The following STAG2 variants were observed in gnomAD, a reference collection of about 807,000 sequenced individuals.
The protein encoded by STAG2 is STAG2 cohesin complex component.
Under a neutral mutation model 108.1 loss-of-function variants are expected in STAG2, and 14 were observed. The ratio of observed to expected loss-of-function variants is 0.13; its 90% CI spans 0.09 to 0.20. The LOEUF (loss-of-function observed/expected upper bound fraction) is 0.20. Among genes scored for constraint, STAG2 ranks in the 10% least tolerant of loss-of-function variants. The pLI, the probability that STAG2 is intolerant of heterozygous loss-of-function variation, is 1.00. For synonymous variants in STAG2, 307 were observed against 302.7 expected (o/e 1.01, Z -0.15); for missense variants, 440 against 940.9 (o/e 0.47, Z 6.96).
chrX:124,078,222 A>T (rs917946556), intron 27 of STAG2, among the ~76,000 whole-genome samples, 164 bp downstream of exon 27: 3 of 112,253 alleles, frequency 2.7e-5, no homozygotes, highest in African/African-American at 9.7e-5. Context: ...AACTGTCAAG[A>T]TTGGCAAAAC....
In STAG2 at chrX:124,047,340, C is replaced by T; in HGVS notation, c.668-14C>T. 1 of 1,167,250 alleles carries T rather than the reference C, an allele frequency of 8.6e-7. No homozygotes were observed. On this transcript the variant is annotated splice_polypyrimidine_tract_variant and intron_variant, in intron 8 of 34. Coordinates refer to ENST00000371145, the MANE Select transcript of STAG2 (RefSeq NM_001042750.2). The stretch of plus-strand genomic sequence containing the variant: ...TTAGATTAGTTTCACCATACTTTTA[C>T]TCTTTAAAAATAGCTATGAAGTTGA...
At chrX:124,096,278 T>C (rs971326244) in intron 34 of STAG2, among the ~76,000 whole-genome samples, 2 of 111,356 alleles carry the variant, frequency 1.8e-5, no homozygotes, top group African/African-American at 3.3e-5. Flanking sequence ...AACCTTGGCC[T>C]TTTCCTTACA....
chrX:124,079,831 A>AT (rs1229910693), intron 27 of STAG2, among the ~76,000 whole-genome samples: 9 of 111,168 alleles, frequency 8.1e-5, no homozygotes, highest in Non-Finnish European at 1.9e-5. Flanking sequence ...ATGAAATCTG[A>AT]TTTTTTAACA....
chrX:123,964,709 G>T (rs1448783842), intron 1 of STAG2, among the ~76,000 whole-genome samples: 1 of 94,599 alleles, frequency 1.1e-5, no homozygotes, highest in Non-Finnish European at 2.1e-5. Context: ...GGCAGAGAGG[G>T]TGGAGTGGGT....
chrX:123,986,069 T>A, intron 1 of STAG2, among the ~76,000 whole-genome samples: 1 of 105,753 alleles, frequency 9.5e-6, no homozygotes, highest in East Asian at 2.9e-4. Context: ...ATATGTGTCA[T>A]ATATCATATA....
rs1315534374 is a variant in STAG2, at chrX:124,080,388, C to A, written c.2776-992C>A. Among the ~76,000 whole-genome samples, 7 of 111,147 alleles carry A rather than the reference C, an allele frequency of 6.3e-5. 1 individual carries two copies. ...GGGTGTATACCCAGAAGTCTTCCTC[C>A]TTTTAAAAAGTTGACACACGACCGG... On this transcript the variant is annotated intron_variant, in intron 27 of 34. Transcript: ENST00000371145.
At chrX:124,039,302 C>T (rs1023291081) in intron 6 of STAG2, among the ~76,000 whole-genome samples, 3 of 109,289 alleles carry the variant, frequency 2.7e-5, no homozygotes, top group African/African-American at 6.7e-5. Context: ...ACTACAGGCT[C>T]ACGACAACAC....
Position 124,094,032 on chromosome X carries a change from G to A in STAG2, c.3593G>A (p.Ser1198Asn), listed in dbSNP as rs2059320314. 1 of 1,210,623 alleles carries A rather than the reference G, an allele frequency of 8.3e-7. No individual in the cohort carries two copies. Among genetic ancestry groups the A allele is most frequent in the East Asian group, 3.0e-5 (1 of 33,786 alleles). ...TATTTCTCTAGTCGGCGTGGCACAAGCCTAATGGAAGATGATGAAGAGCCA... is the reference window on the plus strand; with the variant it reads ...TATTTCTCTAGTCGGCGTGGCACAAACCTAATGGAAGATGATGAAGAGCCA... ...NLQHAIRRGT[S>N]LMEDDEEPIV... The change falls in exon 33 of 35, where the codon AGC (serine) becomes AAC (asparagine). Residue 1198 changes from serine (S) to asparagine (N), a missense_variant. Ser to Asn is a conservative substitution (Grantham distance 46, BLOSUM62 1). This residue lies in a region of STAG2 where 337 missense variants were observed against 649.3 expected (regional missense o/e 0.52). Coordinates refer to ENST00000371145, the MANE Select transcript of STAG2 (RefSeq NM_001042750.2).
At chrX:124,062,300 C>G (rs951375333) in intron 17 of STAG2, among the ~76,000 whole-genome samples, 2 of 111,879 alleles carry the variant, frequency 1.8e-5, no homozygotes, top group African/African-American at 6.5e-5. Flanking sequence ...GCATTTTATA[C>G]CAACAATTCC....
intron 20 of STAG2, among the ~76,000 whole-genome samples, chrX:124,065,607 C>T (rs774163146): frequency 9.0e-6 from 1 of 110,975 alleles, no homozygotes; most frequent in East Asian, 2.8e-4. Flanking sequence ...AAATAGATGC[C>T]TTTATAATTT....
chrX:123,974,471 C>T (rs2054523525), intron 1 of STAG2, among the ~76,000 whole-genome samples: 1 of 109,249 alleles, frequency 9.2e-6, no homozygotes. Context: ...AGTGATAACA[C>T]CCGTCTTGGC....
chrX:124,043,012 CA>C (rs1177199650), intron 7 of STAG2, among the ~76,000 whole-genome samples: 3 of 94,344 alleles, frequency 3.2e-5, no homozygotes, highest in South Asian at 4.8e-4. Context: ...GAGACTCCAT[CA>C]AAAAAAAAGG....
intron 14 of STAG2, among the ~76,000 whole-genome samples, chrX:124,057,172 T>G (rs2058231358): frequency 8.9e-6 from 1 of 112,373 alleles, no homozygotes; most frequent in South Asian, 3.7e-4. Context: ...CCTATTTAAC[T>G]CAGATTAGGT....
At chrX:124,094,222 G>T (rs1256284036) in intron 33 of STAG2, 78 bp downstream of exon 33, 1 of 1,019,651 alleles carries the variant, frequency 9.8e-7, no homozygotes. Flanking sequence ...TTAGAGTAGA[G>T]AAATACTTAC....
At chrX:124,033,221 G>T (rs780147436) in intron 5 of STAG2, among the ~76,000 whole-genome samples, 5 of 111,975 alleles carry the variant, frequency 4.5e-5, no homozygotes, top group Non-Finnish European at 9.4e-5. Flanking sequence ...TTATATTGCT[G>T]TACTATGGTT....
At chrX:123,985,625 G>C (rs1242128609) in intron 1 of STAG2, among the ~76,000 whole-genome samples, 1 of 109,922 alleles carries the variant, frequency 9.1e-6, no homozygotes, top group Non-Finnish European at 1.9e-5. Context: ...CTGGAATACA[G>C]TAGCAAGACC....
chrX:124,013,442 T>C (rs902448400), intron 1 of STAG2, among the ~76,000 whole-genome samples: 1 of 111,384 alleles, frequency 9.0e-6, no homozygotes, highest in Non-Finnish European at 1.9e-5. Context: ...AATTATTAGC[T>C]ATTGACCTTG....
intron 1 of STAG2, among the ~76,000 whole-genome samples, chrX:124,017,183 CTT>C (rs1000726715): frequency 9.2e-6 from 1 of 109,240 alleles, no homozygotes; most frequent in Non-Finnish European, 1.9e-5. Flanking sequence ...ATTTTTTTGT[CTT>C]GAGACCACTT....
intron 29 of STAG2, among the ~76,000 whole-genome samples, chrX:124,085,784 A>G (rs2059089088): frequency 9.2e-6 from 1 of 108,740 alleles, no homozygotes; most frequent in Non-Finnish European, 1.9e-5. Context: ...AAAAAAAAAA[A>G]AAAAAAAAAA....
Sources: allele counts gnomAD v4.1 joint callset (sites outside exome capture counted in the v4.1 genomes callset), GRCh38; gene constraint gnomAD v4.1.1; regional missense constraint gnomAD v4.1.1; transcripts MANE v1.5; gene names NCBI Gene and HGNC (gene_info 2026-07-23, HGNC 2026-07-21).